PTPRN2: variants seen among roughly 807,000 people sequenced by gnomAD.
The protein encoded by PTPRN2 is protein tyrosine phosphatase receptor type N2.
In PTPRN2, 74 loss-of-function variants were observed where a neutral mutation model predicts 118.8. The observed-to-expected ratio is 0.62, with a 90% confidence interval of 0.52 to 0.76. The LOEUF is 0.76. Among genes scored for constraint, PTPRN2 ranks in the 30% least tolerant of loss-of-function variants. The pLI, the probability that PTPRN2 is intolerant of heterozygous loss-of-function variation, is 0.00. For synonymous variants in PTPRN2, 641 were observed against 608.0 expected, an observed-to-expected ratio of 1.05 and a Z score of -0.80; for missense variants, 1,481 against 1,394.4, an observed-to-expected ratio of 1.06 and a Z score of -0.99.
At chr7:157,863,401 C>A (rs559726562) in intron 12 of PTPRN2, 2 of 152,314 alleles carry the variant, frequency 1.3e-5, no homozygotes, top group East Asian at 1.9e-4. Flanking sequence ...TGGGCGGCGA[C>A]GCGTCTCAGA....
intron 2 of PTPRN2, among the ~76,000 whole-genome samples, chr7:158,460,404 C>T (rs944373651): frequency 6.8e-6 from 1 of 146,738 alleles, no homozygotes; most frequent in East Asian, 2.0e-4. Context: ...GCCATGAGCA[C>T]AGGAGGGTCA....
At chr7:158,444,228 C>T (rs1447061117) in intron 2 of PTPRN2, among the ~76,000 whole-genome samples, 1 of 152,274 alleles carries the variant, frequency 6.6e-6, no homozygotes, top group African/African-American at 2.4e-5. Flanking sequence ...GCCTGTCCAC[C>T]GTCACCTCCT....
At chr7:157,683,001 G>T (rs989546872) in intron 12 of PTPRN2, 64 bp from the exon 13 acceptor site, 41 of 1,353,902 alleles carry the variant, frequency 3.0e-5, no homozygotes, top group Admixed American at 3.9e-5. Flanking sequence ...AAAAACACAC[G>T]TCTCCAAATG....
intron 3 of PTPRN2, among the ~76,000 whole-genome samples, chr7:158,213,837 C>T (rs1827779929): frequency 6.6e-6 from 1 of 151,534 alleles, no homozygotes; most frequent in Non-Finnish European, 1.5e-5. Flanking sequence ...ATCAATGGCA[C>T]AAAAAGAACT....
intron 12 of PTPRN2, chr7:157,740,418 C>T (rs1800559900): frequency 6.6e-6 from 1 of 151,532 alleles, no homozygotes; most frequent in Non-Finnish European, 1.5e-5. Context: ...AACATCGTCT[C>T]CCTCCATCCA....
At chr7:158,049,405 G>A in intron 11 of PTPRN2, among the ~76,000 whole-genome samples, 1 of 152,314 alleles carries the variant, frequency 6.6e-6, no homozygotes, top group Admixed American at 6.5e-5. Context: ...GCTCTGCCCT[G>A]TCTTCCTTCC....
rs75028724 is a variant in PTPRN2 at position 157,663,506 on chromosome 7, C to T, written c.2002-6955G>A. 9.0e-3 allele frequency among the ~76,000 whole-genome samples: 1,376 copies of T among 152,344 alleles called. 13 individuals carry two copies. The highest frequency in any genetic ancestry group is 0.014 in the Non-Finnish European group (963 of 68,024). On this transcript the variant is annotated intron_variant, in intron 13 of 22. Transcript: ENST00000389418. Reference sequence around the variant, plus strand: ...GGGAACGGGGTCGGGCCAGCTCCCTCCAAGGACGGGGGCTGGGACGTTTGG... The same window carrying T: ...GGGAACGGGGTCGGGCCAGCTCCCTTCAAGGACGGGGGCTGGGACGTTTGG...
intron 1 of PTPRN2, among the ~76,000 whole-genome samples, chr7:158,560,359 G>C (rs1011619801): frequency 6.6e-6 from 1 of 152,246 alleles, no homozygotes; most frequent in African/African-American, 2.4e-5. Context: ...GTGTTTTAAC[G>C]CTTACCTCAT....
chr7:158,407,215 GTCCT>G (rs1813590757), intron 2 of PTPRN2, among the ~76,000 whole-genome samples: 11 of 47,570 alleles, frequency 2.3e-4, no homozygotes, highest in African/African-American at 3.1e-4. Context: ...TGGGTCCTGC[GTCCT>G]GCGTCCTGGG....
rs78903630 is a variant in PTPRN2, at chr7:158,286,287, C to A, written c.277+30532G>T. Among the ~76,000 whole-genome samples the A allele has an allele frequency of 9.0e-3, 1,372 of 152,274 alleles. 23 individuals carry two copies. The highest frequency in any genetic ancestry group is 0.031 in the African/African-American group (1,303 of 41,566). ...TAGGATTCTATATGTAAGATCATGT[C>A]ATCTGCAAACAGGGACAATTTTAAC... is the stretch of plus-strand genomic sequence containing the variant. On this transcript the variant is annotated intron_variant, in intron 3 of 22. Coordinates refer to ENST00000389418, the MANE Select transcript of PTPRN2 (RefSeq NM_002847.5).
intron 3 of PTPRN2, among the ~76,000 whole-genome samples, chr7:158,227,040 G>A (rs1480342267): frequency 6.6e-6 from 1 of 152,100 alleles, no homozygotes; most frequent in Non-Finnish European, 1.5e-5. Context: ...AGCTCCAGGA[G>A]AGGACCCTGG....
chr7:158,473,769 G>C (rs1820039817), intron 2 of PTPRN2, among the ~76,000 whole-genome samples: 2 of 151,226 alleles, frequency 1.3e-5, no homozygotes, highest in South Asian at 4.2e-4. Flanking sequence ...TGATAGATTG[G>C]GGGGAAAAAA....
chr7:158,279,708 G>A (rs532962211), intron 3 of PTPRN2, among the ~76,000 whole-genome samples: 283 of 151,942 alleles, frequency 1.9e-3, no homozygotes, highest in African/African-American at 6.6e-3. Context: ...TCCCATCCGC[G>A]CTTCTCCCTC....
intron 2 of PTPRN2, among the ~76,000 whole-genome samples, chr7:158,318,986 T>C (rs1377450716): frequency 6.6e-6 from 1 of 152,170 alleles, no homozygotes; most frequent in Admixed American, 6.5e-5. Flanking sequence ...ACAATTCCTA[T>C]CAATTTTGGA....
chr7:158,070,104 G>C (rs1811087178), intron 11 of PTPRN2, among the ~76,000 whole-genome samples: 1 of 152,240 alleles, frequency 6.6e-6, no homozygotes, highest in Admixed American at 6.5e-5. Flanking sequence ...GGGCTGGAGA[G>C]GCTGATACCT....
intron 21 of PTPRN2, among the ~76,000 whole-genome samples, chr7:157,557,872 T>G (rs1198511120): frequency 6.6e-6 from 1 of 151,688 alleles, no homozygotes; most frequent in Non-Finnish European, 1.5e-5. Flanking sequence ...ATTAAAAATA[T>G]AAGTTAAAGA....
At chr7:158,208,775 G>A (rs1443425230) in intron 3 of PTPRN2, among the ~76,000 whole-genome samples, 1 of 152,078 alleles carries the variant, frequency 6.6e-6, no homozygotes, top group Admixed American at 6.6e-5. Context: ...CTGTAATTGT[G>A]GTGTGTAAAC....
intron 12 of PTPRN2, among the ~76,000 whole-genome samples, chr7:157,892,187 G>C (rs1159750725): frequency 6.6e-6 from 1 of 152,102 alleles, no homozygotes; most frequent in Non-Finnish European, 1.5e-5. Context: ...CTGGGCAGGG[G>C]ACCTCTCTGC....
rs534244274 is a variant in PTPRN2, at chr7:158,141,414, C to T, written c.911-2899G>A. Among the ~76,000 whole-genome samples, 4 of 152,286 alleles carry T rather than the reference C, an allele frequency of 2.6e-5. No homozygotes were observed. The South Asian group carries it at 6.2e-4, about 24-fold the overall frequency. On this transcript the variant is annotated intron_variant, in intron 6 of 22. Coordinates refer to ENST00000389418, the MANE Select transcript of PTPRN2 (RefSeq NM_002847.5). Reference sequence around the variant, plus strand: ...CTAGTCCATGCCGAGGCAGCGGGGCCGGCACCCGGTCCCCACGTGCCCCGT... The same window carrying T: ...CTAGTCCATGCCGAGGCAGCGGGGCTGGCACCCGGTCCCCACGTGCCCCGT...
Sources: gnomAD v4.1 joint callset for allele counts (sites outside exome capture counted in the v4.1 genomes callset) on GRCh38, gnomAD v4.1.1 for gene constraint, MANE v1.5 for transcripts, NCBI Gene and HGNC (gene_info 2026-07-23, HGNC 2026-07-21) for gene names.